The following RGS22 variants were observed in gnomAD, a reference collection of about 807,000 sequenced individuals.
The protein encoded by RGS22 is regulator of G protein signaling 22.
A neutral mutation model predicts 172.9 loss-of-function variants in RGS22; 148 were observed. The observed-to-expected ratio is 0.86, with a 90% CI of 0.75 to 0.98. The LOEUF (loss-of-function observed/expected upper bound fraction) is 0.98. RGS22 is among the 50% of genes least tolerant of loss of function. The pLI is 0.00. For missense variants in RGS22, 1,347 were observed against 1,440.8 expected, an observed-to-expected ratio of 0.93 and a Z score of 1.05; for synonymous variants, 458 against 480.2, an observed-to-expected ratio of 0.95 and a Z score of 0.60.
At chr8:100,062,532 TATAACTC>T in intron 9 of RGS22, 52 bp downstream of exon 9, 3 of 1,148,710 alleles carry the variant, frequency 2.6e-6, no homozygotes, top group Non-Finnish European at 3.8e-6. Context: ...ACAAAAAAAG[TATAACTC>T]ATAACTGGCG....
At chr8:99,999,538 C>A in intron 18 of RGS22, 118 bp from the exon 19 acceptor site, 1 of 962,164 alleles carries the variant, frequency 1.0e-6, no homozygotes. Context: ...TGCCAATTTT[C>A]ATTTTCTGTA....
intron 14 of RGS22, among the ~76,000 whole-genome samples, chr8:100,011,988 A>G (rs1220156466): frequency 1.3e-5 from 2 of 152,142 alleles, no homozygotes; most frequent in Non-Finnish European, 2.9e-5. Flanking sequence ...AACCTGAGAA[A>G]TAGAAGTCAG....
chr8:99,991,993 A>C (rs950337413), intron 20 of RGS22, among the ~76,000 whole-genome samples: 1 of 152,232 alleles, frequency 6.6e-6, no homozygotes, highest in Admixed American at 6.5e-5. Flanking sequence ...TTTTCAACTC[A>C]GAATTTCATA....
chr8:100,083,221 C>T (rs1811892939), intron 3 of RGS22, among the ~76,000 whole-genome samples: 2 of 152,142 alleles, frequency 1.3e-5, no homozygotes, highest in African/African-American at 4.8e-5. Flanking sequence ...GAACCATCAC[C>T]ACACTCTGGG....
chr8:100,063,461 T>A lies in RGS22; in HGVS notation c.1307A>T (p.Asp436Val). 2 of 1,612,492 alleles carry A rather than the reference T, an allele frequency of 1.2e-6. No individual in the cohort carries two copies. Among genetic ancestry groups the A allele is most frequent in the Non-Finnish European group, 1.7e-6 (2 of 1,179,036 alleles). The change falls in exon 8 of 28, where the codon GAT becomes GTT. Residue 436 changes from aspartate (D) to valine (V), a missense_variant. Asp to Val is a radical substitution (Grantham distance 152). Coordinates refer to ENST00000360863, the MANE Select transcript of RGS22 (RefSeq NM_015668.5). ...CTTAAGAACTTTTAACCTCTCAATA[T>A]CCATCCATAGCCACCAATATCTCTC... ...LGERYWWLWM[D>V]IERLKVLKDP...
intron 11 of RGS22, 50 bp downstream of exon 11, chr8:100,047,413 A>C: frequency 1.3e-6 from 2 of 1,496,072 alleles, no homozygotes; most frequent in Non-Finnish European, 1.8e-6. Flanking sequence ...AATTCTCTAA[A>C]ACGCTTAGTA....
intron 20 of RGS22, among the ~76,000 whole-genome samples, chr8:99,991,420 A>T (rs1478665402): frequency 6.6e-6 from 1 of 152,248 alleles, no homozygotes; most frequent in Non-Finnish European, 1.5e-5. Flanking sequence ...AGAAGATCTT[A>T]AATGACCTGA....
intron 21 of RGS22, among the ~76,000 whole-genome samples, chr8:99,982,384 G>A (rs903370634): frequency 6.6e-6 from 1 of 152,150 alleles, no homozygotes; most frequent in Non-Finnish European, 1.5e-5. Flanking sequence ...AATGACATTA[G>A]TATCTACTTT....
intron 16 of RGS22, 92 bp from the exon 17 acceptor site, chr8:100,004,190 T>C (rs1815423531): frequency 7.1e-7 from 1 of 1,411,420 alleles, no homozygotes. Flanking sequence ...AATCAACCAT[T>C]AGGCCAAAGC....
intron 2 of RGS22, among the ~76,000 whole-genome samples, chr8:100,102,858 T>G (rs548614624): frequency 1.3e-5 from 2 of 152,344 alleles, no homozygotes; most frequent in African/African-American, 4.8e-5. Flanking sequence ...TGAAAAGTTA[T>G]AGAAAAGGTT....
intron 3 of RGS22, among the ~76,000 whole-genome samples, chr8:100,081,969 T>C (rs942810866): frequency 2.0e-5 from 3 of 150,626 alleles, no homozygotes; most frequent in African/African-American, 7.3e-5. Flanking sequence ...AACAGAAAGC[T>C]GTGATAATCC....
chr8:99,995,905 T>C lies in RGS22; in HGVS notation c.3018+557A>G, dbSNP rs367960766. 4.6e-5 allele frequency among the ~76,000 whole-genome samples: 7 copies of C among 152,088 alleles called. No individual in the cohort carries two copies. The East Asian group carries it at 9.6e-4, about 21-fold the overall frequency. On this transcript the variant is annotated intron_variant, in intron 20 of 27. Coordinates refer to ENST00000360863, the MANE Select transcript of RGS22 (RefSeq NM_015668.5). Reference sequence around the variant, plus strand: ...GACTGGATTAAGAAAATGTGGCACATATACACCATGGAATACTATGCAGCC... The same window carrying C: ...GACTGGATTAAGAAAATGTGGCACACATACACCATGGAATACTATGCAGCC...
chr8:100,008,626 A>C, intron 14 of RGS22, 57 bp from the exon 15 acceptor site: 1 of 1,349,900 alleles, frequency 7.4e-7, no homozygotes, highest in South Asian at 1.4e-5. Context: ...AATGGTTAGC[A>C]GACACCTCAA....
chr8:100,017,874 T>C (rs927323923), intron 14 of RGS22, among the ~76,000 whole-genome samples: 4 of 152,200 alleles, frequency 2.6e-5, no homozygotes, highest in Non-Finnish European at 5.9e-5. Flanking sequence ...AATAACAATG[T>C]AGCTCATGTT....
chr8:100,043,016 C>T (rs1244866117), intron 11 of RGS22, among the ~76,000 whole-genome samples: 1 of 152,202 alleles, frequency 6.6e-6, no homozygotes, highest in Non-Finnish European at 1.5e-5. Flanking sequence ...GGAGCCGCAA[C>T]ACTGCTGACC....
chr8:100,047,267 A>G (rs1820822210), intron 11 of RGS22, among the ~76,000 whole-genome samples, 196 bp downstream of exon 11: 1 of 152,182 alleles, frequency 6.6e-6, no homozygotes, highest in African/African-American at 2.4e-5. Flanking sequence ...ATCTCTTTAA[A>G]ATTACTAATA....
At chr8:100,092,431 G>A (rs755021711) in intron 3 of RGS22, among the ~76,000 whole-genome samples, 16 of 152,070 alleles carry the variant, frequency 1.1e-4, no homozygotes, top group Non-Finnish European at 1.9e-4. Flanking sequence ...GTTGGGAGGC[G>A]GGGCCTAAAA....
At chr8:100,104,306 G>A (rs1813735069) in intron 2 of RGS22, among the ~76,000 whole-genome samples, 1 of 151,592 alleles carries the variant, frequency 6.6e-6, no homozygotes, top group African/African-American at 2.4e-5. Context: ...GTGACAGAGA[G>A]AGACCCTGTC....
At chr8:100,060,402 G>GTATATATATATATATATACATATATATA (rs1810019268) in intron 9 of RGS22, among the ~76,000 whole-genome samples, 1 of 102,934 alleles carries the variant, frequency 9.7e-6, no homozygotes, top group South Asian at 3.2e-4. Context: ...TTAGCTACGT[G>GTATATATATATATATATACATATATATA]TATATATATA....
Sources: gnomAD v4.1 joint callset for allele counts (sites outside exome capture counted in the v4.1 genomes callset) on GRCh38, gnomAD v4.1.1 for gene constraint, MANE v1.5 for transcripts, NCBI Gene and HGNC (gene_info 2026-07-23, HGNC 2026-07-21) for gene names.